WDFY4: variants seen among roughly 807,000 people sequenced by gnomAD.
WDFY4 encodes the protein WDFY family member 4.
WDFY4 carries 169 observed loss-of-function variants against 351.9 expected under a neutral mutation model. That is an observed-to-expected ratio of 0.48 (90% CI 0.42 to 0.55). WDFY4 has a LOEUF of 0.55. WDFY4 is among the 20% of genes least tolerant of loss of function. WDFY4 has a pLI of 0.00. For missense variants in WDFY4, 3,803 were observed against 3,935.6 expected, an observed-to-expected ratio of 0.97 and a Z score of 0.90; for synonymous variants, 1,622 against 1,574.6, an observed-to-expected ratio of 1.03 and a Z score of -0.71.
intron 1 of WDFY4, among the ~76,000 whole-genome samples, chr10:48,700,768 G>A (rs556181936): frequency 3.9e-5 from 6 of 152,300 alleles, no homozygotes; most frequent in Admixed American, 1.3e-4. Flanking sequence ...TTGGCAGGGG[G>A]CCTAGTGCGG....
At chr10:48,898,633 C>T (rs988625039) in intron 45 of WDFY4, among the ~76,000 whole-genome samples, 3 of 152,102 alleles carry the variant, frequency 2.0e-5, no homozygotes, top group African/African-American at 7.2e-5. Flanking sequence ...GGGGGAATTC[C>T]TGAAAGGCCC....
intron 43 of WDFY4, among the ~76,000 whole-genome samples, chr10:48,877,731 G>C (rs2133307768): frequency 6.6e-6 from 1 of 152,350 alleles, no homozygotes; most frequent in East Asian, 1.9e-4. Context: ...GTGGCTCTGG[G>C]GATGAAGTGT....
intron 40 of WDFY4, among the ~76,000 whole-genome samples, chr10:48,870,181 G>A (rs2069711195): frequency 6.6e-6 from 1 of 152,232 alleles, no homozygotes; most frequent in South Asian, 2.1e-4. Context: ...ACTGAAAGTA[G>A]GGAAGGGCTG....
At chr10:48,976,294 A>G (rs1006778528) in intron 58 of WDFY4, among the ~76,000 whole-genome samples, 2 of 152,246 alleles carry the variant, frequency 1.3e-5, no homozygotes, top group Non-Finnish European at 2.9e-5. Flanking sequence ...GCATATCAGG[A>G]GATACAATGG....
Position 48,807,950 on chromosome 10 carries a change from G to A in WDFY4, c.4830G>A (p.Leu1610=). The part of the protein sequence containing the change: ...LSVISSPQLH[L]SSESKEEMFL... ...TAATATCTTCCCCCCAGCTTCATCT[G>A]TCCTCTGAGTAAGTAGCTCCAGGAA... The change falls in exon 28 of 62, where the codon CTG becomes CTA. Residue 1610 remains leucine, a synonymous_variant. Coordinates refer to ENST00000325239, the MANE Select transcript of WDFY4 (RefSeq NM_001394531.1). 1 of 1,543,186 alleles carries A rather than the reference G, an allele frequency of 6.5e-7. No individual in the cohort carries two copies. Among genetic ancestry groups the A allele is most frequent in the South Asian group, 1.2e-5 (1 of 82,868 alleles).
At chr10:48,877,785 C>T (rs905297199) in intron 43 of WDFY4, among the ~76,000 whole-genome samples, 4 of 152,110 alleles carry the variant, frequency 2.6e-5, no homozygotes, top group Non-Finnish European at 4.4e-5. Flanking sequence ...CAGGGAAACC[C>T]GGGGTCCTGG....
intron 13 of WDFY4, among the ~76,000 whole-genome samples, chr10:48,771,836 G>T (rs1242092701): frequency 2.6e-5 from 4 of 152,188 alleles, no homozygotes; most frequent in Admixed American, 2.6e-4. Flanking sequence ...CTTCATTCTT[G>T]TTTGAGAAAG....
chr10:48,825,374 G>T (rs963141615), intron 35 of WDFY4, among the ~76,000 whole-genome samples: 4 of 152,092 alleles, frequency 2.6e-5, no homozygotes, highest in African/African-American at 9.7e-5. Context: ...AGACATTTGG[G>T]TTGATTCCAT....
intron 39 of WDFY4, among the ~76,000 whole-genome samples, chr10:48,840,495 TCA>T (rs141934724): frequency 5.3e-5 from 8 of 150,344 alleles, no homozygotes; most frequent in African/African-American, 9.8e-5. Context: ...TCTCTCTCTC[TCA>T]CACACACACA....
intron 12 of WDFY4, among the ~76,000 whole-genome samples, chr10:48,756,100 C>T (rs1333860771): frequency 6.6e-6 from 1 of 152,012 alleles, no homozygotes. Context: ...TGCATTAGAT[C>T]TATAGATCAA....
intron 47 of WDFY4, among the ~76,000 whole-genome samples, chr10:48,907,451 C>T (rs557254121): frequency 1.4e-4 from 22 of 152,258 alleles, no homozygotes; most frequent in African/African-American, 5.1e-4. Context: ...ATAAATTCTT[C>T]ATATATAATG....
chr10:48,871,830 G>T (rs1335070744), intron 40 of WDFY4, among the ~76,000 whole-genome samples: 1 of 152,000 alleles, frequency 6.6e-6, no homozygotes, highest in Non-Finnish European at 1.5e-5. Context: ...GCACTGTTTG[G>T]GATATGAATT....
intron 45 of WDFY4, among the ~76,000 whole-genome samples, chr10:48,898,870 C>T (rs1256051741): frequency 6.6e-6 from 1 of 150,946 alleles, no homozygotes; most frequent in Non-Finnish European, 1.5e-5. Flanking sequence ...TCCACCTCAG[C>T]TCTGCCACAT....
chr10:48,752,374 A>G (rs2065210475), intron 12 of WDFY4, among the ~76,000 whole-genome samples: 1 of 152,268 alleles, frequency 6.6e-6, no homozygotes, highest in African/African-American at 2.4e-5. Flanking sequence ...TTACTTTAAA[A>G]AAATCTTAGC....
At chr10:48,863,413 C>T (rs796421716) in intron 39 of WDFY4, among the ~76,000 whole-genome samples, 10 of 152,234 alleles carry the variant, frequency 6.6e-5, no homozygotes, top group African/African-American at 2.4e-4. Context: ...TCATTGATCT[C>T]ATTGTGAGTT....
chr10:48,876,647 A>C (rs74514697), intron 42 of WDFY4, among the ~76,000 whole-genome samples: 3,719 of 152,302 alleles, frequency 0.024, 158 homozygotes, highest in African/African-American at 0.084. Flanking sequence ...ATGAGAAAAA[A>C]CAGCAATATT....
rs1464966076 is a variant in WDFY4 at position 48,709,793 on chromosome 10, G to A, written c.61G>A (p.Glu21Lys). The A allele has an allele frequency of 1.9e-6, 3 of 1,551,808 alleles. No individual in the cohort carries two copies. The Admixed American group carries it at 5.9e-5, about 30-fold the overall frequency. Reference protein sequence around the residue: ...DRNEDPGSKNEGQLAAVQPDV... With the variant: ...DRNEDPGSKNKGQLAAVQPDV... Reference sequence around the variant, plus strand: ...AAATGAAGACCCAGGTTCCAAAAATGAAGGGCAGCTTGCTGCTGTGCAGCC... The same window carrying A: ...AAATGAAGACCCAGGTTCCAAAAATAAAGGGCAGCTTGCTGCTGTGCAGCC... Residue 21 changes from glutamate to lysine, a missense_variant, in exon 2 of 62, where the codon GAA becomes AAA. By Grantham distance (56) the Glu-to-Lys change is moderately conservative. Around this residue, in one of 3 missense-constraint regions of WDFY4, gnomAD observed 488 missense variants for 456.8 expected, o/e 1.07. Coordinates refer to ENST00000325239, the MANE Select transcript of WDFY4 (RefSeq NM_001394531.1).
intron 20 of WDFY4, among the ~76,000 whole-genome samples, 192 bp downstream of exon 20, chr10:48,787,062 T>C (rs761022534): frequency 2.6e-5 from 4 of 152,344 alleles, no homozygotes; most frequent in Middle Eastern, 3.4e-3. Flanking sequence ...ACAATATCTT[T>C]AGATTTCAAC....
In WDFY4 at chr10:48,804,776, A is replaced by ACG. The variant is rs553136081; in HGVS notation, c.4485-484_4485-483insCG. 794 of 983,722 alleles carry ACG rather than the reference A, an allele frequency of 8.1e-4. 5 individuals carry two copies. In the African/African-American group the frequency reaches 0.013, roughly 17 times the overall value. The allele number at this position is 983,722 out of a possible 1,614,324, so 60.9% of individuals were successfully genotyped here. A position where few individuals can be genotyped will look rare whatever the true frequency, so the allele number is the denominator to read the frequency against. On this transcript the variant is annotated intron_variant, in intron 25 of 61. Coordinates refer to ENST00000325239, the MANE Select transcript of WDFY4 (RefSeq NM_001394531.1). ...AATTGGATTTGTGAGTATCTGAGGG[A>ACG]GGGGGTATGGATAGGTGGATTCTGT...
Sources: allele counts gnomAD v4.1 joint callset (sites outside exome capture counted in the v4.1 genomes callset), GRCh38; gene constraint gnomAD v4.1.1; regional missense constraint gnomAD v4.1.1; transcripts MANE v1.5; gene names NCBI Gene and HGNC (gene_info 2026-07-23, HGNC 2026-07-21).